Variants in ZNF385B observed in about 807,000 individuals in gnomAD.
The protein encoded by ZNF385B is zinc finger protein 533.
A neutral mutation model predicts 39.2 loss-of-function variants in ZNF385B; 23 were observed. That is an observed-to-expected ratio of 0.59 (90% CI 0.42 to 0.83). ZNF385B has a LOEUF of 0.83. Ranked by LOEUF, ZNF385B falls within the 40% of genes least tolerant of loss-of-function variation. The pLI is 0.00. For missense variants in ZNF385B, 552 were observed against 598.9 expected, an observed-to-expected ratio of 0.92 and a Z score of 0.82; for synonymous variants, 205 against 222.6, an observed-to-expected ratio of 0.92 and a Z score of 0.70.
At chr2:179,598,772 C>A (rs1200289801) in intron 3 of ZNF385B, among the ~76,000 whole-genome samples, 2 of 152,170 alleles carry the variant, frequency 1.3e-5, no homozygotes, top group African/African-American at 4.8e-5. Flanking sequence ...ATTGTGACAT[C>A]TTATACCTGG....
At chr2:179,526,760 C>T (rs550210705) in intron 4 of ZNF385B, among the ~76,000 whole-genome samples, 27 of 152,210 alleles carry the variant, frequency 1.8e-4, no homozygotes, top group Admixed American at 1.4e-3. Flanking sequence ...AAGGGTCCAC[C>T]TGAATGCTAT....
rs571061308 is a variant in ZNF385B at position 179,525,937 on chromosome 2, AAGAAAAC to A, written c.442-7306_442-7300del. Among the ~76,000 whole-genome samples, 3 of 152,336 alleles carry A rather than the reference AAGAAAAC, an allele frequency of 2.0e-5. No homozygotes were observed. In the South Asian group the frequency reaches 6.2e-4, roughly 32 times the overall value. Reference sequence around the variant, plus strand: ...AAAAATCCTTGAAAACTTCAATAGAAAGAAAACAGATACAGCAACAACAAAGATAATT... The same window carrying A: ...AAAAATCCTTGAAAACTTCAATAGAAAGATACAGCAACAACAAAGATAATT... On this transcript the variant is annotated intron_variant, in intron 4 of 9. Transcript: ENST00000410066.
At chr2:179,633,923 T>G (rs1270112111) in intron 3 of ZNF385B, among the ~76,000 whole-genome samples, 2 of 152,142 alleles carry the variant, frequency 1.3e-5, no homozygotes, top group African/African-American at 4.8e-5. Context: ...AACCATCTGA[T>G]CTTTGACAAA....
chr2:179,626,990 C>G (rs1690718747), intron 3 of ZNF385B, among the ~76,000 whole-genome samples: 1 of 152,162 alleles, frequency 6.6e-6, no homozygotes, highest in Non-Finnish European at 1.5e-5. Context: ...ATCTTTTCAC[C>G]ATGTCAAGTC....
At chr2:179,599,575 T>A (rs879431154) in intron 3 of ZNF385B, among the ~76,000 whole-genome samples, 1 of 152,210 alleles carries the variant, frequency 6.6e-6, no homozygotes, top group African/African-American at 2.4e-5. Flanking sequence ...TGTTAAAATA[T>A]CTCCATTAAG....
chr2:179,446,972 T>C (rs770060523), intron 6 of ZNF385B, among the ~76,000 whole-genome samples: 1 of 152,158 alleles, frequency 6.6e-6, no homozygotes, highest in Non-Finnish European at 1.5e-5. Flanking sequence ...TATTAGGTCA[T>C]CCCAAGATAA....
chr2:179,793,646 T>G (rs1487519030), intron 1 of ZNF385B, among the ~76,000 whole-genome samples: 1 of 152,260 alleles, frequency 6.6e-6, no homozygotes, highest in East Asian at 1.9e-4. Flanking sequence ...CATGCGGAAC[T>G]GTGAGTCAAT....
chr2:179,844,478 T>C (rs373908282), intron 1 of ZNF385B, among the ~76,000 whole-genome samples: 12 of 152,280 alleles, frequency 7.9e-5, no homozygotes, highest in African/African-American at 2.9e-4. Context: ...ATATAATACA[T>C]GTTCTGGGCT....
At chr2:179,579,752 TA>T (rs1185174718) in intron 3 of ZNF385B, among the ~76,000 whole-genome samples, 1 of 152,174 alleles carries the variant, frequency 6.6e-6, no homozygotes, top group Non-Finnish European at 1.5e-5. Flanking sequence ...GATATGTGCT[TA>T]AAAATAATAA....
rs916911071 is a variant in ZNF385B at position 179,843,840 on chromosome 2, G to T, written c.-155+17261C>A. 3.6e-4 allele frequency among the ~76,000 whole-genome samples: 55 copies of T among 152,278 alleles called. 2 individuals carry two copies. The Middle Eastern group carries it at 0.01, about 28-fold the overall frequency. Reference sequence around the variant, plus strand: ...GAGTAAAGAACAATAAAGTCAGGCTGGTTTCACCCTGAATTTTATCTACTT... The same window carrying T: ...GAGTAAAGAACAATAAAGTCAGGCTTGTTTCACCCTGAATTTTATCTACTT... On this transcript the variant is annotated intron_variant, in intron 1 of 9. Transcript: ENST00000410066.
At chr2:179,782,724 A>G (rs938996693) in intron 1 of ZNF385B, among the ~76,000 whole-genome samples, 1 of 152,202 alleles carries the variant, frequency 6.6e-6, no homozygotes, top group African/African-American at 2.4e-5. Context: ...AGGCAGTCCC[A>G]TTTACAACTG....
chr2:179,642,835 C>A (rs1692386567), intron 3 of ZNF385B, among the ~76,000 whole-genome samples: 1 of 152,108 alleles, frequency 6.6e-6, no homozygotes, highest in African/African-American at 2.4e-5. Context: ...TGATTAATTT[C>A]ATTAAATCTC....
chr2:179,558,507 A>T (rs1414966439), intron 3 of ZNF385B, among the ~76,000 whole-genome samples: 1 of 152,138 alleles, frequency 6.6e-6, no homozygotes, highest in Non-Finnish European at 1.5e-5. Flanking sequence ...TTCTACTCCC[A>T]CTTTGGCAGA....
intron 3 of ZNF385B, among the ~76,000 whole-genome samples, chr2:179,617,788 G>A (rs887665176): frequency 4.6e-5 from 7 of 152,100 alleles, no homozygotes. Context: ...GGTGGGGGTT[G>A]GGCTTCTAGT....
chr2:179,589,540 G>A (rs748117128), intron 3 of ZNF385B, among the ~76,000 whole-genome samples: 16 of 152,308 alleles, frequency 1.1e-4, no homozygotes, highest in South Asian at 2.1e-4. Flanking sequence ...TACCTGTTGC[G>A]CAGAGAAGGG....
At chr2:179,757,678 A>T (rs892108814) in intron 3 of ZNF385B, among the ~76,000 whole-genome samples, 1 of 152,102 alleles carries the variant, frequency 6.6e-6, no homozygotes, top group South Asian at 2.1e-4. Flanking sequence ...CCCCTCCCCC[A>T]GTCTTGCTGC....
At chr2:179,700,777 G>C (rs761679205) in intron 3 of ZNF385B, among the ~76,000 whole-genome samples, 1 of 152,170 alleles carries the variant, frequency 6.6e-6, no homozygotes, top group Non-Finnish European at 1.5e-5. Flanking sequence ...GCTTTGGAAG[G>C]CTGAGGCAGG....
intron 1 of ZNF385B, among the ~76,000 whole-genome samples, chr2:179,784,723 C>T (rs1704884760): frequency 6.6e-6 from 1 of 151,954 alleles, no homozygotes; most frequent in Admixed American, 6.6e-5. Context: ...CGGGGAAATG[C>T]AAATTAAAGC....
intron 1 of ZNF385B, among the ~76,000 whole-genome samples, chr2:179,843,155 T>C (rs1355890413): frequency 6.6e-6 from 1 of 152,220 alleles, no homozygotes; most frequent in Non-Finnish European, 1.5e-5. Context: ...CCTCCCAGGA[T>C]AGAATCCCCT....
Sources: gnomAD v4.1 joint callset for allele counts (sites outside exome capture counted in the v4.1 genomes callset) on GRCh38, gnomAD v4.1.1 for gene constraint, MANE v1.5 for transcripts, NCBI Gene and HGNC (gene_info 2026-07-23, HGNC 2026-07-21) for gene names.